The following OPCML variants were observed in gnomAD, a reference collection of about 807,000 sequenced individuals.
The protein encoded by OPCML is opioid-binding protein/cell adhesion molecule.
In OPCML, 13 loss-of-function variants were observed where a neutral mutation model predicts 37.8. The observed-to-expected ratio is 0.34, with a 90% CI of 0.22 to 0.55. The LOEUF (loss-of-function observed/expected upper bound fraction) is 0.55. Among genes scored for constraint, OPCML ranks in the 20% least tolerant of loss-of-function variants. The pLI, the probability that OPCML is intolerant of heterozygous loss-of-function variation, is 0.91. For synonymous variants in OPCML, 176 were observed against 168.8 expected (o/e 1.04, Z -0.33); for missense variants, 341 against 435.6 (o/e 0.78, Z 1.93).
intron 3 of OPCML, among the ~76,000 whole-genome samples, chr11:132,540,601 G>A (rs769975875): frequency 6.6e-6 from 1 of 152,136 alleles, no homozygotes; most frequent in South Asian, 2.1e-4. Flanking sequence ...GCTGCAGATA[G>A]ACCCAGTCCA....
chr11:133,242,940 TAAG>T (rs575642121), intron 1 of OPCML, among the ~76,000 whole-genome samples: 7 of 152,312 alleles, frequency 4.6e-5, no homozygotes, highest in African/African-American at 1.7e-4. Context: ...GTAAAAAATA[TAAG>T]TCAAACAAAA....
chr11:133,207,251 G>T (rs1363538932), intron 1 of OPCML, among the ~76,000 whole-genome samples: 1 of 152,004 alleles, frequency 6.6e-6, no homozygotes, highest in Non-Finnish European at 1.5e-5. Flanking sequence ...AGTGAGCCGA[G>T]ATCAAGCCAC....
At chr11:133,050,377 G>A (rs1232574858) in intron 1 of OPCML, among the ~76,000 whole-genome samples, 2 of 152,162 alleles carry the variant, frequency 1.3e-5, no homozygotes, top group East Asian at 3.9e-4. Context: ...TCCAGGTAAT[G>A]AGCTTGCCTG....
At chr11:133,243,792 C>A (rs938200064) in intron 1 of OPCML, among the ~76,000 whole-genome samples, 2 of 152,142 alleles carry the variant, frequency 1.3e-5, no homozygotes, top group African/African-American at 2.4e-5. Flanking sequence ...TGCTTATTTG[C>A]GAAATAAAGG....
At chr11:133,134,328 A>G (rs1424096380) in intron 1 of OPCML, among the ~76,000 whole-genome samples, 1 of 152,108 alleles carries the variant, frequency 6.6e-6, no homozygotes, top group African/African-American at 2.4e-5. Flanking sequence ...GCATCTACAA[A>G]ATGAAATCCA....
intron 1 of OPCML, among the ~76,000 whole-genome samples, chr11:133,048,911 C>T (rs1948074436): frequency 6.6e-6 from 1 of 152,202 alleles, no homozygotes; most frequent in Non-Finnish European, 1.5e-5. Context: ...TAAATTCAGT[C>T]AGTTTGAAAG....
In OPCML at chr11:133,326,512, G is replaced by A. The variant is rs1269456636; in HGVS notation, c.61+205752C>T. On this transcript the variant is annotated intron_variant, in intron 1 of 7. Coordinates refer to ENST00000524381, the MANE Select transcript of OPCML (RefSeq NM_001012393.5). ...GGTGTGGGTGTGTGTATGTGTGGGAGTGTGGGTATGTGTAAGTGTGTGGGG... is the reference window on the plus strand; with the variant it reads ...GGTGTGGGTGTGTGTATGTGTGGGAATGTGGGTATGTGTAAGTGTGTGGGG... Among the ~76,000 whole-genome samples, 87 of 138,530 alleles carry A rather than the reference G, an allele frequency of 6.3e-4. 1 individual carries two copies. Among genetic ancestry groups the A allele is most frequent in the African/African-American group, 2.5e-3 (85 of 33,594 alleles). The allele number at this position is 138,530 out of a possible 152,430, so 90.9% of individuals were successfully genotyped here. A position where few individuals can be genotyped will look rare whatever the true frequency, so the allele number is the denominator to read the frequency against.
chr11:133,258,961 T>G (rs1347539650), intron 1 of OPCML, among the ~76,000 whole-genome samples: 4 of 152,180 alleles, frequency 2.6e-5, no homozygotes, highest in Admixed American at 6.5e-5. Flanking sequence ...GGATAATCCA[T>G]TTGAAACCTC....
chr11:133,032,708 C>T (rs969949283), intron 1 of OPCML, among the ~76,000 whole-genome samples: 16 of 152,208 alleles, frequency 1.1e-4, no homozygotes, highest in African/African-American at 3.9e-4. Context: ...AAGAAGCCTA[C>T]CCCAGAATCT....
intron 1 of OPCML, among the ~76,000 whole-genome samples, chr11:133,201,366 A>G (rs1367632204): frequency 6.7e-6 from 1 of 148,514 alleles, no homozygotes; most frequent in Non-Finnish European, 1.5e-5. Context: ...TATGCCTTTT[A>G]GTCTACATTT....
chr11:132,696,518 A>G (rs1943605225), intron 2 of OPCML, among the ~76,000 whole-genome samples: 1 of 152,206 alleles, frequency 6.6e-6, no homozygotes, highest in Non-Finnish European at 1.5e-5. Flanking sequence ...AAGATAAATA[A>G]ATAGATACTA....
At chr11:132,820,709 G>C (rs1432307975) in intron 2 of OPCML, among the ~76,000 whole-genome samples, 1 of 152,140 alleles carries the variant, frequency 6.6e-6, no homozygotes, top group Non-Finnish European at 1.5e-5. Context: ...AGTTGAAGCT[G>C]TATCTCAGGC....
intron 1 of OPCML, among the ~76,000 whole-genome samples, chr11:132,975,556 A>C (rs1451098175): frequency 1.9e-5 from 1 of 53,568 alleles, no homozygotes; most frequent in African/African-American, 6.3e-5. Context: ...AAAAAAAAAA[A>C]AAAAAAAAAA....
At chr11:132,892,991 G>C (rs933123293) in intron 2 of OPCML, among the ~76,000 whole-genome samples, 1 of 152,042 alleles carries the variant, frequency 6.6e-6, no homozygotes, top group African/African-American at 2.4e-5. Context: ...TTATACAAAG[G>C]TTGTCCCCAC....
chr11:133,287,367 C>T (rs1420191921), intron 1 of OPCML, among the ~76,000 whole-genome samples: 2 of 147,108 alleles, frequency 1.4e-5, no homozygotes, highest in African/African-American at 2.5e-5. Context: ...TCACCTTGGC[C>T]TCCCGACGTG....
At chr11:132,920,676 T>G (rs1944760298) in intron 2 of OPCML, among the ~76,000 whole-genome samples, 2 of 152,224 alleles carry the variant, frequency 1.3e-5, no homozygotes, top group South Asian at 4.1e-4. Flanking sequence ...TTTCTTTTTA[T>G]GCTACTGCCA....
chr11:133,012,328 A>G (rs1038116998), intron 1 of OPCML, among the ~76,000 whole-genome samples: 1 of 152,198 alleles, frequency 6.6e-6, no homozygotes, highest in Non-Finnish European at 1.5e-5. Flanking sequence ...GGTCCTTAGC[A>G]ACAAATTCAA....
intron 2 of OPCML, among the ~76,000 whole-genome samples, chr11:132,906,893 T>A (rs1160541250): frequency 3.9e-5 from 6 of 152,174 alleles, no homozygotes. Flanking sequence ...TAGAGGGTAG[T>A]GGGGATTGAA....
intron 4 of OPCML, among the ~76,000 whole-genome samples, chr11:132,491,777 A>G (rs2137072534): frequency 6.6e-6 from 1 of 152,322 alleles, no homozygotes; most frequent in East Asian, 1.9e-4. Flanking sequence ...ATCCTGGTGG[A>G]GGAGGGTGGA....
Sources: allele counts gnomAD v4.1 joint callset (sites outside exome capture counted in the v4.1 genomes callset), GRCh38; gene constraint gnomAD v4.1.1; transcripts MANE v1.5; gene names NCBI Gene and HGNC (gene_info 2026-07-23, HGNC 2026-07-21).